The following FEZ2 variants were observed in gnomAD, a reference collection of about 807,000 sequenced individuals.
FEZ2 encodes the protein fasciculation and elongation protein zeta 2.
In FEZ2, 51 loss-of-function variants were observed where a neutral mutation model predicts 40.4. The observed-to-expected ratio is 1.26, with a 90% CI of 1.01 to 1.59. The LOEUF (loss-of-function observed/expected upper bound fraction) is 1.59, where lower values mean the gene tolerates loss of function less well. Among genes scored for constraint, FEZ2 ranks in the 40% most tolerant of loss-of-function variants. The pLI is 0.00. For synonymous variants in FEZ2, 242 were observed against 172.0 expected, an observed-to-expected ratio of 1.41 and a Z score of -3.18; for missense variants, 640 against 438.3, an observed-to-expected ratio of 1.46 and a Z score of -4.11.
chr2:36,593,844 G>GT (rs148103426), intron 1 of FEZ2, among the ~76,000 whole-genome samples: 12,512 of 146,534 alleles, frequency 0.085, 1,129 homozygotes, highest in East Asian at 0.46. Flanking sequence ...CAGAAAATGG[G>GT]TTTTTTTTTT....
intron 1 of FEZ2, chr2:36,594,465 C>T (rs1189762228): frequency 4.9e-6 from 1 of 204,558 alleles, no homozygotes; most frequent in East Asian, 1.6e-4. Flanking sequence ...GCAAAAGGCA[C>T]TTCTTACATG....
rs1253182197 is a variant in FEZ2 at position 36,583,446 on chromosome 2, A to G, written c.399T>C (p.Asp133=). 6.3e-7 allele frequency: 1 copy of G among 1,590,842 alleles called. No individual in the cohort carries two copies. Residue 133 remains aspartate, a synonymous_variant, in exon 3 of 8, where the codon GAT becomes GAC. Transcript: ENST00000405912. ...CTCTCAGCTCTTCATCATCTGATGT[A>G]TCAAAGAGCAAACTGTCACTTACCT... The part of the protein sequence containing the change: ...EKGVSDSLLF[D]TSDDEELREQ...
intron 2 of FEZ2, among the ~76,000 whole-genome samples, chr2:36,585,842 C>G (rs1200131494): frequency 6.6e-6 from 1 of 152,076 alleles, no homozygotes; most frequent in African/African-American, 2.4e-5. Context: ...CAGAAGAGAG[C>G]TAAACCTTCA....
chr2:36,563,648 A>G (rs1668153743), intron 5 of FEZ2, among the ~76,000 whole-genome samples: 1 of 151,882 alleles, frequency 6.6e-6, no homozygotes, highest in Non-Finnish European at 1.5e-5. Context: ...GCATTTCCAA[A>G]CTCTCCCTCT....
In FEZ2 at chr2:36,598,133, C is replaced by T; in HGVS notation, c.10G>A (p.Asp4Asn). The T allele has an allele frequency of 6.8e-7, 1 of 1,478,424 alleles. No individual in the cohort carries two copies. The allele number at this position is 1,478,424 out of a possible 1,614,324, so 91.6% of individuals were successfully genotyped here. Residue 4 changes from aspartate to asparagine, a missense_variant, in exon 1 of 8, where the codon GAC becomes AAC. Asp to Asn is a conservative substitution (Grantham distance 23). Coordinates refer to ENST00000405912, the MANE Select transcript of FEZ2 (RefSeq NM_005102.3). The part of the protein sequence containing the change: MAA[D>N]GDWQDFYEFQ... ...TCATAGAAATCCTGCCAGTCCCCGT[C>T]CGCCGCCATCGCCGCCCGGAGCAGT...
chr2:36,597,229 T>C (rs1404244339), intron 1 of FEZ2, among the ~76,000 whole-genome samples: 1 of 152,094 alleles, frequency 6.6e-6, no homozygotes, highest in Non-Finnish European at 1.5e-5. Flanking sequence ...ATACTCCACC[T>C]AGAACGTTAG....
chr2:36,586,170 C>T (rs1355664176), intron 2 of FEZ2, among the ~76,000 whole-genome samples: 3 of 152,124 alleles, frequency 2.0e-5, no homozygotes, highest in African/African-American at 7.2e-5. Flanking sequence ...ACTGTGATCA[C>T]AAAGGCATGT....
At chr2:36,580,714 A>G (rs774293535) in intron 4 of FEZ2, among the ~76,000 whole-genome samples, 1 of 152,220 alleles carries the variant, frequency 6.6e-6, no homozygotes, top group Non-Finnish European at 1.5e-5. Flanking sequence ...TATAGACTCA[A>G]TTGTGTCCTC....
chr2:36,577,428 T>C (rs1668606459), intron 5 of FEZ2, among the ~76,000 whole-genome samples: 1 of 152,198 alleles, frequency 6.6e-6, no homozygotes, highest in Non-Finnish European at 1.5e-5. Flanking sequence ...CGGCTAATTT[T>C]ATATTTTTAG....
chr2:36,552,271 A>G lies in FEZ2; in HGVS notation c.*892T>C. ...CTCAAACATGTATTTTTACTTCTTA[A>G]AAAATTTATTAAATGCCATTGATTT... On this transcript the variant is annotated 3_prime_UTR_variant, in exon 8 of 8. Coordinates refer to ENST00000405912, the MANE Select transcript of FEZ2 (RefSeq NM_005102.3). 1 of 449,146 alleles carries G rather than the reference A, an allele frequency of 2.2e-6. No individual in the cohort carries two copies. The highest frequency in any genetic ancestry group is 1.7e-5 in the South Asian group (1 of 60,406). 27.8% of individuals were successfully genotyped at this position (449,146 alleles called of 1,614,324 possible). A position where few individuals can be genotyped will look rare whatever the true frequency, so the allele number is the denominator to read the frequency against.
At chr2:36,585,528 A>C (rs1046697579) in intron 2 of FEZ2, among the ~76,000 whole-genome samples, 1 of 152,164 alleles carries the variant, frequency 6.6e-6, no homozygotes, top group Non-Finnish European at 1.5e-5. Flanking sequence ...GAGCAGAAGG[A>C]CTAGATAGAT....
At chr2:36,553,590 T>C (rs1180770582) in intron 7 of FEZ2, among the ~76,000 whole-genome samples, 1 of 152,164 alleles carries the variant, frequency 6.6e-6, no homozygotes, top group Non-Finnish European at 1.5e-5. Flanking sequence ...CAGCCTTGGG[T>C]ACTACTGTCA....
intron 5 of FEZ2, 125 bp from the exon 6 acceptor site, chr2:36,558,638 A>G (rs913753406): frequency 2.0e-6 from 1 of 504,472 alleles, no homozygotes; most frequent in Non-Finnish European, 3.4e-6. Context: ...TAATGAAAAC[A>G]CAGGTATTGT....
intron 3 of FEZ2, among the ~76,000 whole-genome samples, chr2:36,582,754 C>G (rs920654122): frequency 1.3e-5 from 2 of 152,174 alleles, no homozygotes; most frequent in Non-Finnish European, 2.9e-5. Context: ...TGTGGTAGAA[C>G]TCACAGTCCG....
intron 5 of FEZ2, among the ~76,000 whole-genome samples, chr2:36,567,531 G>A (rs1460550555): frequency 6.6e-6 from 1 of 152,126 alleles, no homozygotes; most frequent in Non-Finnish European, 1.5e-5. Context: ...GGAGGCCGAG[G>A]TGGGTGGATC....
At chr2:36,553,259 T>A (rs1667868223) in intron 7 of FEZ2, 80 bp from the exon 8 acceptor site, 2 of 1,039,156 alleles carry the variant, frequency 1.9e-6, no homozygotes, top group Admixed American at 4.4e-5. Flanking sequence ...ACATGTACAT[T>A]TAAAAACCAT....
chr2:36,587,756 G>A (rs1668943668), intron 2 of FEZ2, among the ~76,000 whole-genome samples: 2 of 151,948 alleles, frequency 1.3e-5, no homozygotes, highest in Non-Finnish European at 2.9e-5. Flanking sequence ...CACGAACAGA[G>A]CACCAGGTGG....
chr2:36,595,104 A>C (rs906870355), intron 1 of FEZ2, among the ~76,000 whole-genome samples: 1 of 152,214 alleles, frequency 6.6e-6, no homozygotes, highest in African/African-American at 2.4e-5. Flanking sequence ...TACTCTTATA[A>C]GTAAAACCTC....
intron 1 of FEZ2, among the ~76,000 whole-genome samples, chr2:36,593,419 A>C (rs918710403): frequency 7.2e-5 from 11 of 152,150 alleles, no homozygotes; most frequent in African/African-American, 2.6e-4. Flanking sequence ...CCCTGCAACA[A>C]ACTTTTGCCT....
Sources: allele counts gnomAD v4.1 joint callset (sites outside exome capture counted in the v4.1 genomes callset), GRCh38; gene constraint gnomAD v4.1.1; transcripts MANE v1.5; gene names NCBI Gene and HGNC (gene_info 2026-07-23, HGNC 2026-07-21).